ADAM10: variants seen among roughly 807,000 people sequenced by gnomAD.
ADAM10 encodes the protein ADAM metallopeptidase domain 10.
ADAM10 carries 17 observed loss-of-function variants against 90.1 expected under a neutral mutation model. The observed-to-expected ratio is 0.19, with a 90% CI of 0.13 to 0.28. ADAM10 has a LOEUF of 0.28. Among genes scored for constraint, ADAM10 ranks in the 10% least tolerant of loss-of-function variants. ADAM10 has a pLI of 1.00. For synonymous variants in ADAM10, 310 were observed against 298.6 expected, an observed-to-expected ratio of 1.04 and a Z score of -0.40; for missense variants, 610 against 914.3, an observed-to-expected ratio of 0.67 and a Z score of 4.29.
At position 58,597,649 on chromosome 15, in the gene ADAM10, C is replaced by A; in HGVS notation, c.2153-8G>T. The A allele has an allele frequency of 1.2e-6, 2 of 1,613,690 alleles. No homozygotes were observed. Among genetic ancestry groups the A allele is most frequent in the South Asian group, 2.2e-5 (2 of 91,042 alleles). On this transcript the variant is annotated splice_polypyrimidine_tract_variant and splice_region_variant and intron_variant, in intron 15 of 15. Coordinates refer to ENST00000260408, the MANE Select transcript of ADAM10 (RefSeq NM_001110.4). ...TCCTCCTCTTTAAAGTGCCTGTGAG[C>A]CACAAATAAAAGCAAAGCAGATTTA...
intron 10 of ADAM10, among the ~76,000 whole-genome samples, chr15:58,622,720 G>C (rs181324540): frequency 8.5e-5 from 13 of 152,130 alleles, no homozygotes; most frequent in Admixed American, 2.6e-4. Context: ...AATAATTTTA[G>C]AAAATTTCTT....
intron 2 of ADAM10, among the ~76,000 whole-genome samples, chr15:58,697,318 C>A (rs1192631130): frequency 1.3e-5 from 2 of 152,166 alleles, no homozygotes; most frequent in Admixed American, 6.5e-5. Flanking sequence ...TCTGGTGCCA[C>A]TGAAAGCAAC....
chr15:58,716,527 G>A lies in ADAM10; in HGVS notation c.206+1050C>T, dbSNP rs117168738. ...TATTCACAGACTAGAAGATCATTCTGGGTGAAATACACACTTGATGCTGGC... is the reference window on the plus strand; with the variant it reads ...TATTCACAGACTAGAAGATCATTCTAGGTGAAATACACACTTGATGCTGGC... On this transcript the variant is annotated intron_variant, in intron 2 of 15. Transcript: ENST00000260408. Among the ~76,000 whole-genome samples the A allele has an allele frequency of 6.2e-3, 945 of 152,298 alleles. 3 individuals are homozygous for A. Among genetic ancestry groups the A allele is most frequent in the Non-Finnish European group, 9.1e-3 (621 of 68,024 alleles).
At position 58,691,284 on chromosome 15, in the gene ADAM10, T is replaced by C. The variant is rs763870736; in HGVS notation, c.207-8970A>G. The C allele has an allele frequency of 8.0e-6, 10 of 1,248,814 alleles. No individual in the cohort carries two copies. The South Asian group carries it at 1.2e-4, about 15-fold the overall frequency. 77.4% of individuals were successfully genotyped at this position (1,248,814 alleles called of 1,614,324 possible). A position where few individuals can be genotyped will look rare whatever the true frequency, so the allele number is the denominator to read the frequency against. ...ATCCTCAGGTAGCTCCAGACCCTCC[T>C]TGGTAACTGACAGCAGGCTCTTCCC... On this transcript the variant is annotated intron_variant, in intron 2 of 15. Coordinates refer to ENST00000260408, the MANE Select transcript of ADAM10 (RefSeq NM_001110.4).
At chr15:58,698,486 G>A (rs1201057562) in intron 2 of ADAM10, 2 of 259,354 alleles carry the variant, frequency 7.7e-6, no homozygotes, top group Non-Finnish European at 1.5e-5. Context: ...TGAGGTGGGA[G>A]GATCGCTTCA....
chr15:58,731,425 C>T (rs1396076110), intron 1 of ADAM10, among the ~76,000 whole-genome samples: 1 of 151,922 alleles, frequency 6.6e-6, no homozygotes, highest in African/African-American at 2.4e-5. Flanking sequence ...TAGAGACCAG[C>T]CTGGGCAACA....
intron 11 of ADAM10, among the ~76,000 whole-genome samples, chr15:58,619,656 G>A (rs1167751588): frequency 6.6e-6 from 1 of 152,088 alleles, no homozygotes; most frequent in Non-Finnish European, 1.5e-5. Context: ...TGTAATCCCA[G>A]CAGTTTGGGA....
intron 1 of ADAM10, among the ~76,000 whole-genome samples, chr15:58,747,097 A>G (rs1449008354): frequency 6.6e-6 from 1 of 152,224 alleles, no homozygotes; most frequent in Non-Finnish European, 1.5e-5. Flanking sequence ...AAACCAAAAC[A>G]TTATGGAATT....
intron 4 of ADAM10, chr15:58,673,052 ACACACTAACAGTTAAC>A (rs1897234878): frequency 5.5e-6 from 1 of 180,994 alleles, no homozygotes; most frequent in Admixed American, 5.1e-5. Context: ...TGTACAGTTA[ACACACTAACAGTTAAC>A]CACACTATCA....
intron 14 of ADAM10, among the ~76,000 whole-genome samples, 188 bp from the exon 15 acceptor site, chr15:58,599,912 AAAG>A (rs1895063364): frequency 6.6e-6 from 1 of 152,186 alleles, no homozygotes; most frequent in Admixed American, 6.5e-5. Flanking sequence ...AAAAAAGTTT[AAAG>A]GAGAAAATGG....
intron 1 of ADAM10, among the ~76,000 whole-genome samples, chr15:58,744,775 C>T (rs1406116915): frequency 1.3e-5 from 2 of 152,184 alleles, no homozygotes; most frequent in African/African-American, 4.8e-5. Flanking sequence ...TTTGGGAGGC[C>T]AGGGTTGGAG....
intron 10 of ADAM10, among the ~76,000 whole-genome samples, chr15:58,625,611 CA>C (rs1215981452): frequency 4.6e-5 from 7 of 152,078 alleles, no homozygotes; most frequent in African/African-American, 1.7e-4. Flanking sequence ...TTGTACAAAG[CA>C]AAACAAGCAA....
At chr15:58,634,619 A>G (rs1342735130) in intron 8 of ADAM10, among the ~76,000 whole-genome samples, 1 of 152,180 alleles carries the variant, frequency 6.6e-6, no homozygotes, top group Non-Finnish European at 1.5e-5. Flanking sequence ...TTATATAGAC[A>G]TTACACTGGT....
At chr15:58,734,605 T>A (rs1899366674) in intron 1 of ADAM10, among the ~76,000 whole-genome samples, 1 of 150,218 alleles carries the variant, frequency 6.7e-6, no homozygotes, top group Non-Finnish European at 1.5e-5. Context: ...GGGGTTGAGG[T>A]GGGAGGATCG....
chr15:58,616,648 A>G (rs1323852324), intron 11 of ADAM10, among the ~76,000 whole-genome samples: 1 of 152,232 alleles, frequency 6.6e-6, no homozygotes, highest in Non-Finnish European at 1.5e-5. Context: ...ATTAAGACGG[A>G]AGTTTATAGC....
At chr15:58,619,119 G>A (rs1349544417) in intron 11 of ADAM10, among the ~76,000 whole-genome samples, 3 of 152,038 alleles carry the variant, frequency 2.0e-5, no homozygotes, top group Non-Finnish European at 4.4e-5. Flanking sequence ...AGAGACAAAT[G>A]GATAAAGAAA....
rs1024401056 is a variant in ADAM10, at chr15:58,591,082, C to T, written c.*6465G>A. 20 of 152,146 alleles carry T rather than the reference C, an allele frequency of 1.3e-4. No homozygotes were observed. Among genetic ancestry groups the T allele is most frequent in the African/African-American group, 4.8e-4 (20 of 41,420 alleles). 9.4% of individuals were successfully genotyped at this position (152,146 alleles called of 1,614,324 possible). A position where few individuals can be genotyped will look rare whatever the true frequency, so the allele number is the denominator to read the frequency against. ...TTAATGTGGATAAGCTGACCATACT[C>T]CTTGACATGTTTAACAGAGAACAAA... On this transcript the variant is annotated 3_prime_UTR_variant, in exon 16 of 16. Coordinates refer to ENST00000260408, the MANE Select transcript of ADAM10 (RefSeq NM_001110.4).
chr15:58,656,027 G>A (rs550845499), intron 5 of ADAM10, among the ~76,000 whole-genome samples: 40 of 151,934 alleles, frequency 2.6e-4, no homozygotes, highest in African/African-American at 8.9e-4. Context: ...GATTACAGGC[G>A]TGAGCTGCCA....
At chr15:58,609,697 A>AG (rs1164927296) in intron 14 of ADAM10, 2 of 154,652 alleles carry the variant, frequency 1.3e-5, no homozygotes, top group African/African-American at 4.8e-5. Context: ...ACTTAAGTTG[A>AG]GATAGTCAAT....
Sources: allele counts gnomAD v4.1 joint callset (sites outside exome capture counted in the v4.1 genomes callset), GRCh38; gene constraint gnomAD v4.1.1; transcripts MANE v1.5; gene names NCBI Gene and HGNC (gene_info 2026-07-23, HGNC 2026-07-21).